Variants in GLG1 observed in about 807,000 individuals in gnomAD.
The protein encoded by GLG1 is Golgi apparatus protein 1.
A neutral mutation model predicts 160.5 loss-of-function variants in GLG1; 38 were observed. That is an observed-to-expected ratio of 0.24 (90% CI 0.18 to 0.31). The LOEUF (loss-of-function observed/expected upper bound fraction) is 0.31, where lower values mean the gene tolerates loss of function less well. Ranked by LOEUF, GLG1 falls within the 10% of genes least tolerant of loss-of-function variation. The probability of loss-of-function intolerance (pLI) is 1.00; values close to 1 mark genes in which losing one functional copy is unlikely to be tolerated. For synonymous variants in GLG1, 644 were observed against 543.4 expected (o/e 1.19, Z -2.57); for missense variants, 1,373 against 1,505.2 (o/e 0.91, Z 1.45).
chr16:74,563,792 C>T (rs1470682979), intron 1 of GLG1, among the ~76,000 whole-genome samples: 1 of 151,656 alleles, frequency 6.6e-6, no homozygotes, highest in Admixed American at 6.6e-5. Flanking sequence ...TGCTCCATAG[C>T]AGATTCTACT....
At position 74,606,960 on chromosome 16, in the gene GLG1, G is replaced by C. The variant is rs780912700; in HGVS notation, c.135C>G (p.Asn45Lys). ...CGGCCTGCCCTACGAAGGACACAAA[G>C]TTGGCCCCGGGACCCTGGCCCTGGC... is the stretch of plus-strand genomic sequence containing the variant. ...VHSQGQGPGA[N>K]FVSFVGQAGG... The change falls in exon 1 of 26, where the codon AAC becomes AAG. Residue 45 changes from asparagine to lysine, a missense_variant. Asn to Lys is a moderately conservative substitution (Grantham distance 94). This residue lies in a region of GLG1 where 322 missense variants were observed against 254.6 expected (regional missense o/e 1.26). Coordinates refer to ENST00000422840, the MANE Select transcript of GLG1 (RefSeq NM_001145667.2). The C allele has an allele frequency of 1.4e-5, 22 of 1,608,642 alleles. No individual in the cohort carries two copies. The East Asian group carries it at 4.5e-4, about 33-fold the overall frequency.
intron 16 of GLG1, chr16:74,469,780 T>C (rs1296382396): frequency 3.4e-6 from 2 of 580,526 alleles, no homozygotes; most frequent in Non-Finnish European, 6.2e-6. Context: ...CTTTAGCCTA[T>C]GGGACCTCCA....
intron 11 of GLG1, 84 bp from the exon 12 acceptor site, chr16:74,477,617 C>CT (rs1390340108): frequency 2.1e-6 from 2 of 954,886 alleles, no homozygotes; most frequent in African/African-American, 3.3e-5. Flanking sequence ...TATGAGGAAA[C>CT]TAACAAATAA....
intron 1 of GLG1, among the ~76,000 whole-genome samples, chr16:74,570,869 C>T (rs1341995519): frequency 1.3e-5 from 2 of 152,084 alleles, no homozygotes; most frequent in African/African-American, 4.8e-5. Flanking sequence ...GCTTGGATGA[C>T]AGCATAAGAC....
intron 1 of GLG1, among the ~76,000 whole-genome samples, chr16:74,574,040 G>C (rs530073753): frequency 6.6e-6 from 1 of 152,030 alleles, no homozygotes; most frequent in Non-Finnish European, 1.5e-5. Context: ...GATTCTCCAC[G>C]GAAGTAAGCA....
intron 1 of GLG1, among the ~76,000 whole-genome samples, chr16:74,579,829 C>T (rs996891729): frequency 6.6e-6 from 1 of 152,104 alleles, no homozygotes; most frequent in Non-Finnish European, 1.5e-5. Context: ...CTTTGGGAGG[C>T]GAAGGCAGGT....
rs139868525 is a variant in GLG1, at chr16:74,575,669, GCTCACT to G, written c.438+30982_438+30987del. ...GCTGGAGTGCAGTGGCACAATCTCA[GCTCACT>G]GCAACCTCTGCCTCCCGGATTCAAG... On this transcript the variant is annotated intron_variant, in intron 1 of 25. Transcript: ENST00000422840. Among the ~76,000 whole-genome samples the G allele has an allele frequency of 6.9e-3, 1,056 of 152,212 alleles. 23 individuals carry two copies. The highest frequency in any genetic ancestry group is 0.059 in the East Asian group (305 of 5,170).
intron 4 of GLG1, among the ~76,000 whole-genome samples, chr16:74,497,994 T>C (rs888959728): frequency 1.8e-4 from 27 of 152,182 alleles, no homozygotes; most frequent in African/African-American, 6.3e-4. Context: ...ATCATCCCCA[T>C]AGCAACCACA....
At chr16:74,467,624 T>C (rs2015046484) in intron 18 of GLG1, 132 bp downstream of exon 18, 1 of 612,928 alleles carries the variant, frequency 1.6e-6, no homozygotes, top group Non-Finnish European at 2.9e-6. Flanking sequence ...TTGGAAGGGA[T>C]GAGATGGGTC....
chr16:74,501,920 AG>A (rs1471818615), intron 4 of GLG1, among the ~76,000 whole-genome samples: 1 of 152,194 alleles, frequency 6.6e-6, no homozygotes, highest in African/African-American at 2.4e-5. Context: ...GAGTTTTTCA[AG>A]ACCAACTCAG....
At chr16:74,463,301 C>T in intron 20 of GLG1, 55 bp downstream of exon 20, 2 of 1,586,214 alleles carry the variant, frequency 1.3e-6, no homozygotes, top group Admixed American at 1.7e-5. Context: ...TCTACAGCCA[C>T]TGAATTCCTT....
chr16:74,459,909 G>C, intron 22 of GLG1, 120 bp from the exon 23 acceptor site: 2 of 556,394 alleles, frequency 3.6e-6, no homozygotes, highest in East Asian at 6.4e-5. Context: ...AGGCTGCAGT[G>C]CAGTGGTGCG....
rs1457427732 is a variant in GLG1 at position 74,450,353 on chromosome 16, G to C, written c.*2814C>G. On this transcript the variant is annotated 3_prime_UTR_variant, in exon 26 of 26. Transcript: ENST00000422840. ...GGTGCCCCAGGCCCTGTTTTGTTTT[G>C]CCAAATGAGGGACTTAATGAGTGCG... 1 of 152,146 alleles carries C rather than the reference G, an allele frequency of 6.6e-6. No homozygotes were observed. The highest frequency in any genetic ancestry group is 1.5e-5 in the Non-Finnish European group (1 of 68,040). The allele number at this position is 152,146 out of a possible 1,614,324, so 9.4% of individuals were successfully genotyped here.
At chr16:74,482,482 G>T (rs1321206593) in intron 10 of GLG1, among the ~76,000 whole-genome samples, 2 of 152,060 alleles carry the variant, frequency 1.3e-5, no homozygotes, top group Non-Finnish European at 2.9e-5. Flanking sequence ...AGTGATTCTG[G>T]CTGTAATACG....
rs1364366624 is a variant in GLG1, at chr16:74,470,197, A to G, written c.2230-124T>C. ...CAAGACCCTGCATGGCTTGACCCAC[A>G]CGTGAGACATCACGACCTGCTCATC... On this transcript the variant is annotated intron_variant, in intron 15 of 25. Transcript: ENST00000422840. The G allele has an allele frequency of 1.3e-4, 91 of 695,364 alleles. No homozygotes were observed. The South Asian group carries it at 1.4e-3, about 10-fold the overall frequency. The allele number at this position is 695,364 out of a possible 1,614,324, so 43.1% of individuals were successfully genotyped here.
intron 2 of GLG1, among the ~76,000 whole-genome samples, chr16:74,516,442 C>T (rs2143532335): frequency 6.6e-6 from 1 of 152,178 alleles, no homozygotes; most frequent in South Asian, 2.1e-4. Context: ...GAACAACCTG[C>T]TCCTGAATGA....
intron 2 of GLG1, among the ~76,000 whole-genome samples, chr16:74,521,667 G>C (rs889956344): frequency 6.6e-6 from 1 of 152,104 alleles, no homozygotes; most frequent in African/African-American, 2.4e-5. Context: ...GTAGAAATGT[G>C]GAATCAGCAG....
At position 74,450,965 on chromosome 16, in the gene GLG1, T is replaced by G. The variant is rs2014269382; in HGVS notation, c.*2202A>C. On this transcript the variant is annotated 3_prime_UTR_variant, in exon 26 of 26. Coordinates refer to ENST00000422840, the MANE Select transcript of GLG1 (RefSeq NM_001145667.2). Reference sequence around the variant, plus strand: ...GAAAGAACAGAAATATCAACACAATTAGAACTATAAGGGTGTTTACGCATA... The same window carrying G: ...GAAAGAACAGAAATATCAACACAATGAGAACTATAAGGGTGTTTACGCATA... The G allele has an allele frequency of 6.6e-6, 1 of 151,922 alleles. No homozygotes were observed. Among genetic ancestry groups the G allele is most frequent in the Non-Finnish European group, 1.5e-5 (1 of 67,980 alleles). The allele number at this position is 151,922 out of a possible 1,614,324, so 9.4% of individuals were successfully genotyped here.
At position 74,505,095 on chromosome 16, in the gene GLG1, C is replaced by T. The variant is rs146440952; in HGVS notation, c.559-1349G>A. Among the ~76,000 whole-genome samples the T allele has an allele frequency of 2.4e-4, 37 of 152,228 alleles. No homozygotes were observed. In the East Asian group the frequency reaches 6.8e-3, roughly 28 times the overall value. ...TTTGTCCTTTGAATGCAATAGAGAG[C>T]ATTCTCCCCATTAGGCCTATCTATC... On this transcript the variant is annotated intron_variant, in intron 3 of 25. Transcript: ENST00000422840.
Sources: allele counts gnomAD v4.1 joint callset (sites outside exome capture counted in the v4.1 genomes callset), GRCh38; gene constraint gnomAD v4.1.1; regional missense constraint gnomAD v4.1.1; transcripts MANE v1.5; gene names NCBI Gene and HGNC (gene_info 2026-07-23, HGNC 2026-07-21).